The following PHF20L1 variants were observed in gnomAD, a reference collection of about 807,000 sequenced individuals.
The protein encoded by PHF20L1 is PHD finger protein 20 like 1.
PHF20L1 carries 44 observed loss-of-function variants against 125.5 expected under a neutral mutation model. The observed-to-expected ratio is 0.35, with a 90% confidence interval of 0.28 to 0.45. The LOEUF (loss-of-function observed/expected upper bound fraction) is 0.45. PHF20L1 is among the 20% of genes least tolerant of loss of function. The pLI is 1.00. For synonymous variants in PHF20L1, 380 were observed against 403.1 expected (o/e 0.94, Z 0.69); for missense variants, 1,012 against 1,217.2 (o/e 0.83, Z 2.51).
intron 18 of PHF20L1, chr8:132,841,551 C>G (rs1837935729): frequency 6.6e-6 from 1 of 151,964 alleles, no homozygotes; most frequent in South Asian, 2.1e-4. Context: ...CATTATTGAG[C>G]CTTTTGAAAG....
At chr8:132,811,716 T>G (rs1476845845) in intron 9 of PHF20L1, 1 of 985,370 alleles carries the variant, frequency 1.0e-6, no homozygotes, top group Non-Finnish European at 1.2e-6. Flanking sequence ...TACCTTCAGA[T>G]TCCCACAATA....
chr8:132,781,872 TTTTGATAATTGGATCTC>T (rs1341425904), intron 2 of PHF20L1, among the ~76,000 whole-genome samples: 24 of 152,206 alleles, frequency 1.6e-4, no homozygotes, highest in Non-Finnish European at 3.5e-4. Flanking sequence ...AGTATTTGCT[TTTTGATAATTGGATCTC>T]TCCTACACTG....
chr8:132,846,049 C>A lies in PHF20L1; in HGVS notation c.*126C>A. ...CTGGTCATTCACTGATTTGTGATGT[C>A]AATAGGATGGCACCTTGGAAAGAAA... is the stretch of plus-strand genomic sequence containing the variant. On this transcript the variant is annotated 3_prime_UTR_variant, in exon 21 of 21. Transcript: ENST00000395386. 1 of 684,526 alleles carries A rather than the reference C, an allele frequency of 1.5e-6. No individual in the cohort carries two copies. Among genetic ancestry groups the A allele is most frequent in the Non-Finnish European group, 2.4e-6 (1 of 418,654 alleles). 42.4% of individuals were successfully genotyped at this position (684,526 alleles called of 1,614,324 possible). A position where few individuals can be genotyped will look rare whatever the true frequency, so the allele number is the denominator to read the frequency against.
At chr8:132,811,303 T>G in intron 9 of PHF20L1, 175 bp downstream of exon 9, 5 of 1,342,030 alleles carry the variant, frequency 3.7e-6, no homozygotes, top group Non-Finnish European at 4.8e-6. Flanking sequence ...ACTACAGACT[T>G]CATTAGTGTT....
At chr8:132,784,434 T>A (rs760403690) in intron 2 of PHF20L1, among the ~76,000 whole-genome samples, 6 of 152,196 alleles carry the variant, frequency 3.9e-5, no homozygotes, top group Non-Finnish European at 8.8e-5. Flanking sequence ...GTTTAGATGA[T>A]CTTTCAGGTG....
Position 132,839,593 on chromosome 8 carries a change from G to A in PHF20L1, c.2387+11G>A. The A allele has an allele frequency of 3.1e-6, 5 of 1,598,512 alleles. No homozygotes were observed. Among genetic ancestry groups the A allele is most frequent in the Non-Finnish European group, 4.3e-6 (5 of 1,166,678 alleles). ...GATTGGAATACTAAAGTAAGTGAAG[G>A]GCAGCAAAGGGAGGGTCACACTTCA... On this transcript the variant is annotated intron_variant, in intron 18 of 20. Transcript: ENST00000395386.
intron 19 of PHF20L1, chr8:132,843,677 G>A: frequency 2.0e-6 from 2 of 983,842 alleles, no homozygotes; most frequent in South Asian, 9.4e-5. Flanking sequence ...AAAGGTTTTT[G>A]CCTTTCCCTC....
chr8:132,840,604 G>A (rs1420559999), intron 18 of PHF20L1, among the ~76,000 whole-genome samples: 2 of 151,982 alleles, frequency 1.3e-5, no homozygotes, highest in African/African-American at 4.8e-5. Flanking sequence ...CATAATCCCT[G>A]TGCTTTTTCC....
intron 12 of PHF20L1, among the ~76,000 whole-genome samples, chr8:132,820,245 G>A (rs1292398411): frequency 6.6e-6 from 1 of 151,818 alleles, no homozygotes; most frequent in Non-Finnish European, 1.5e-5. Flanking sequence ...TAAGGATACA[G>A]CCTCAGAAAA....
chr8:132,831,684 A>T (rs901738657), intron 14 of PHF20L1, among the ~76,000 whole-genome samples: 2 of 151,918 alleles, frequency 1.3e-5, no homozygotes, highest in African/African-American at 4.8e-5. Context: ...AAGTACCTCA[A>T]TTACTTTTGC....
At chr8:132,796,882 C>T (rs750242528) in intron 4 of PHF20L1, among the ~76,000 whole-genome samples, 23 of 152,104 alleles carry the variant, frequency 1.5e-4, no homozygotes, top group Non-Finnish European at 1.5e-4. Flanking sequence ...ATTAAACAGT[C>T]ATTGCCCTCT....
intron 12 of PHF20L1, among the ~76,000 whole-genome samples, chr8:132,821,246 A>G (rs1835565566): frequency 6.6e-6 from 1 of 152,024 alleles, no homozygotes; most frequent in South Asian, 2.1e-4. Context: ...AGATACTATG[A>G]TACTATCATA....
intron 9 of PHF20L1, 59 bp downstream of exon 9, chr8:132,811,187 C>T: frequency 1.2e-6 from 2 of 1,600,966 alleles, no homozygotes; most frequent in Admixed American, 1.7e-5. Flanking sequence ...TCACGGAGCT[C>T]TAGTATCTAC....
At position 132,847,921 on chromosome 8, in the gene PHF20L1, T is replaced by A. The variant is rs987808378; in HGVS notation, c.*1998T>A. ...TATGATTGATACTATTATTTTTCCTTTGCATTTTAAAATAGTGGCTCTAAT... is the reference window on the plus strand; with the variant it reads ...TATGATTGATACTATTATTTTTCCTATGCATTTTAAAATAGTGGCTCTAAT... On this transcript the variant is annotated 3_prime_UTR_variant, in exon 21 of 21. Transcript: ENST00000395386. 2.0e-5 allele frequency: 3 copies of A among 152,178 alleles called. No homozygotes were observed. In the South Asian group the frequency reaches 6.2e-4, roughly 31 times the overall value. 9.4% of individuals were successfully genotyped at this position (152,178 alleles called of 1,614,324 possible).
intron 4 of PHF20L1, among the ~76,000 whole-genome samples, chr8:132,798,510 T>G (rs889665227): frequency 2.0e-5 from 3 of 152,012 alleles, no homozygotes; most frequent in African/African-American, 4.8e-5. Context: ...CAAAATAAAT[T>G]ATAAAATTTC....
chr8:132,809,428 A>T (rs1429626453), intron 8 of PHF20L1: 1 of 152,164 alleles, frequency 6.6e-6, no homozygotes. Context: ...CAGCCTCCCA[A>T]AGTGCTGGGA....
At chr8:132,775,770 G>A in intron 1 of PHF20L1, 125 bp downstream of exon 1, 1 of 245,182 alleles carries the variant, frequency 4.1e-6, no homozygotes, top group Non-Finnish European at 7.6e-6. Context: ...GTAACTCGCC[G>A]GCCCTATTGT....
At position 132,792,499 on chromosome 8, in the gene PHF20L1, C is replaced by G. The variant is rs141080344; in HGVS notation, c.84-1911C>G. Among the ~76,000 whole-genome samples the G allele has an allele frequency of 5.6e-3, 858 of 152,236 alleles. 6 individuals are homozygous for G. The highest frequency in any genetic ancestry group is 9.5e-3 in the Non-Finnish European group (644 of 68,002). The stretch of plus-strand genomic sequence containing the variant: ...CTTCCCTCACCTATACTTACTCCCC[C>G]CAAAAGACTAAGATCTAACAAGGCT... On this transcript the variant is annotated intron_variant, in intron 2 of 20. Transcript: ENST00000395386.
chr8:132,835,935 C>T (rs1837307143), intron 15 of PHF20L1, among the ~76,000 whole-genome samples: 4 of 151,958 alleles, frequency 2.6e-5, no homozygotes, highest in Admixed American at 2.0e-4. Context: ...AGGCAAGCTC[C>T]TTTACCTCTC....
Sources: gnomAD v4.1 joint callset for allele counts (sites outside exome capture counted in the v4.1 genomes callset) on GRCh38, gnomAD v4.1.1 for gene constraint, MANE v1.5 for transcripts, NCBI Gene and HGNC (gene_info 2026-07-23, HGNC 2026-07-21) for gene names.